The following TNKS variants were observed in gnomAD, a reference collection of about 807,000 sequenced individuals.
The protein encoded by TNKS is tankyrase.
In TNKS, 72 loss-of-function variants were observed where a neutral mutation model predicts 135.8. The ratio of observed to expected loss-of-function variants is 0.53; its 90% CI spans 0.44 to 0.64. TNKS has a LOEUF of 0.64. Among genes scored for constraint, TNKS ranks in the 30% least tolerant of loss-of-function variants. The probability of loss-of-function intolerance (pLI) is 0.00; values close to 1 mark genes in which losing one functional copy is unlikely to be tolerated. For synonymous variants in TNKS, 849 were observed against 649.3 expected, an observed-to-expected ratio of 1.31 and a Z score of -4.68; for missense variants, 1,769 against 1,674.0, an observed-to-expected ratio of 1.06 and a Z score of -0.99.
intron 2 of TNKS, among the ~76,000 whole-genome samples, chr8:9,605,747 T>G (rs1799192528): frequency 6.6e-6 from 1 of 152,110 alleles, no homozygotes. Context: ...TATATCTTCT[T>G]CTGTGAAATG....
intron 1 of TNKS, chr8:9,557,869 CA>C (rs1425373839): frequency 1.3e-5 from 2 of 152,070 alleles, no homozygotes; most frequent in Non-Finnish European, 2.9e-5. Context: ...CAAATTCAGT[CA>C]GGAAATAGTG....
rs2128848217 is a variant in TNKS, at chr8:9,781,872, T to C, written c.*5136T>C. On this transcript the variant is annotated 3_prime_UTR_variant, in exon 27 of 27. Transcript: ENST00000310430. ...GCAGGGGTTACAACCCCCTCTCCTT[T>C]CTTTTTTGTATTTATCTATTTGTAG... is the stretch of plus-strand genomic sequence containing the variant. The C allele has an allele frequency of 6.5e-6, 1 of 152,738 alleles. No homozygotes were observed. The highest frequency in any genetic ancestry group is 1.5e-5 in the Non-Finnish European group (1 of 68,036). The allele number at this position is 152,738 out of a possible 1,614,324, so 9.5% of individuals were successfully genotyped here.
intron 20 of TNKS, 99 bp downstream of exon 20, chr8:9,752,725 C>T (rs933521416): frequency 2.0e-5 from 15 of 759,938 alleles, no homozygotes; most frequent in South Asian, 1.5e-4. Context: ...TGGAATGCTT[C>T]GGCAGGATTG....
At chr8:9,630,830 A>G (rs774745092) in intron 3 of TNKS, among the ~76,000 whole-genome samples, 2 of 152,210 alleles carry the variant, frequency 1.3e-5, no homozygotes, top group African/African-American at 2.4e-5. Flanking sequence ...TTTCTATTCA[A>G]TTGACATTTA....
chr8:9,707,337 A>T (rs1804096005), intron 8 of TNKS, among the ~76,000 whole-genome samples: 1 of 152,184 alleles, frequency 6.6e-6, no homozygotes, highest in African/African-American at 2.4e-5. Flanking sequence ...ACCATTAAAA[A>T]GCTCTGAGCT....
intron 22 of TNKS, among the ~76,000 whole-genome samples, chr8:9,763,726 C>A (rs73204665): frequency 0.011 from 1,638 of 152,212 alleles, 13 homozygotes; most frequent in Non-Finnish European, 0.017. Context: ...TCTTCTGAGC[C>A]CCTATGAAGG....
At chr8:9,667,733 T>G (rs969160794) in intron 3 of TNKS, among the ~76,000 whole-genome samples, 1 of 152,184 alleles carries the variant, frequency 6.6e-6, no homozygotes, top group Non-Finnish European at 1.5e-5. Flanking sequence ...TTCAGTTATT[T>G]TTTTCTTATA....
At chr8:9,733,556 C>G in intron 15 of TNKS, 112 bp downstream of exon 15, 1 of 846,326 alleles carries the variant, frequency 1.2e-6, no homozygotes, top group African/African-American at 1.7e-5. Context: ...GCTGTAGAGA[C>G]TGCTCTCATT....
At chr8:9,627,743 G>A (rs1186935575) in intron 3 of TNKS, among the ~76,000 whole-genome samples, 2 of 151,832 alleles carry the variant, frequency 1.3e-5, no homozygotes, top group Non-Finnish European at 2.9e-5. Context: ...AATGTAGCCG[G>A]AAAAAAGAAA....
At chr8:9,689,508 T>G (rs1266426389) in intron 5 of TNKS, among the ~76,000 whole-genome samples, 1 of 152,166 alleles carries the variant, frequency 6.6e-6, no homozygotes, top group African/African-American at 2.4e-5. Flanking sequence ...AAAAAATGCT[T>G]TAATTTGTTA....
chr8:9,664,066 C>T (rs906794208), intron 3 of TNKS, among the ~76,000 whole-genome samples: 23 of 152,282 alleles, frequency 1.5e-4, no homozygotes, highest in African/African-American at 4.3e-4. Context: ...AGCCATCAGT[C>T]GTCTCATTAT....
intron 3 of TNKS, among the ~76,000 whole-genome samples, chr8:9,661,684 C>A (rs1360156107): frequency 6.6e-6 from 1 of 152,198 alleles, no homozygotes; most frequent in East Asian, 1.9e-4. Context: ...GCAAGGACTT[C>A]ATGTCTAAAA....
chr8:9,780,972 G>C lies in TNKS; in HGVS notation c.*4236G>C, dbSNP rs1346748123. The C allele has an allele frequency of 1.3e-5, 2 of 152,188 alleles. No homozygotes were observed. The highest frequency in any genetic ancestry group is 2.9e-5 in the Non-Finnish European group (2 of 68,046). The allele number at this position is 152,188 out of a possible 1,614,324, so 9.4% of individuals were successfully genotyped here. ...ACGACAGCAACTGTGATACCTTGTA[G>C]AATATGAGTGATATGCAAGCTGTGT... On this transcript the variant is annotated 3_prime_UTR_variant, in exon 27 of 27. Coordinates refer to ENST00000310430, the MANE Select transcript of TNKS (RefSeq NM_003747.3).
At chr8:9,688,799 C>G (rs1356979307) in intron 5 of TNKS, among the ~76,000 whole-genome samples, 2 of 152,136 alleles carry the variant, frequency 1.3e-5, no homozygotes, top group Non-Finnish European at 2.9e-5. Flanking sequence ...GCCACCATAC[C>G]CAGCTAATTT....
At chr8:9,665,784 A>T (rs1801957051) in intron 3 of TNKS, among the ~76,000 whole-genome samples, 1 of 152,112 alleles carries the variant, frequency 6.6e-6, no homozygotes, top group Non-Finnish European at 1.5e-5. Context: ...GTGAATTCCC[A>T]TTATTATTGC....
chr8:9,718,763 T>C (rs1804729184), intron 11 of TNKS, among the ~76,000 whole-genome samples: 2 of 152,238 alleles, frequency 1.3e-5, no homozygotes, highest in African/African-American at 4.8e-5. Flanking sequence ...CTTAAGCATT[T>C]AATTACCACA....
intron 2 of TNKS, among the ~76,000 whole-genome samples, chr8:9,595,163 C>A (rs1217805782): frequency 6.6e-6 from 1 of 150,952 alleles, no homozygotes; most frequent in Non-Finnish European, 1.5e-5. Flanking sequence ...GCTGTGTTGT[C>A]CAGGCTGGAG....
intron 18 of TNKS, 71 bp from the exon 19 acceptor site, chr8:9,751,538 G>C: frequency 7.2e-7 from 1 of 1,392,520 alleles, no homozygotes; most frequent in Non-Finnish European, 9.9e-7. Context: ...AAAGTATTTG[G>C]TTATCAGTGA....
intron 1 of TNKS, among the ~76,000 whole-genome samples, chr8:9,574,093 A>G (rs867876306): frequency 3.9e-5 from 6 of 152,318 alleles, no homozygotes; most frequent in African/African-American, 1.2e-4. Context: ...GGGTTAGGCT[A>G]TGTGTTAGGA....
Sources: gnomAD v4.1 joint callset for allele counts (sites outside exome capture counted in the v4.1 genomes callset) on GRCh38, gnomAD v4.1.1 for gene constraint, MANE v1.5 for transcripts, NCBI Gene and HGNC (gene_info 2026-07-23, HGNC 2026-07-21) for gene names.